SYNE2: variants seen among roughly 807,000 people sequenced by gnomAD.
SYNE2 encodes the protein spectrin repeat containing nuclear envelope protein 2, also known as nesprin-2.
A neutral mutation model predicts 856.3 loss-of-function variants in SYNE2; 431 were observed. That is an observed-to-expected ratio of 0.50 (90% CI 0.47 to 0.55). SYNE2 has a LOEUF of 0.55. SYNE2 is among the 20% of genes least tolerant of loss of function. SYNE2 has a pLI of 0.00. For missense variants in SYNE2, 8,129 were observed against 8,023.2 expected (o/e 1.01, Z -0.50); for synonymous variants, 2,923 against 2,872.3 (o/e 1.02, Z -0.56).
chr14:64,176,948 C>A (rs1340640389), intron 95 of SYNE2, among the ~76,000 whole-genome samples: 2 of 152,116 alleles, frequency 1.3e-5, no homozygotes, highest in African/African-American at 4.8e-5. Context: ...CAGGCACATA[C>A]CACCACACCC....
intron 1 of SYNE2, among the ~76,000 whole-genome samples, chr14:63,816,402 C>T (rs77199021): frequency 7.9e-4 from 121 of 152,258 alleles, no homozygotes; most frequent in Non-Finnish European, 1.5e-3. Flanking sequence ...AGCTTTTGGA[C>T]TGTGAAATTT....
intron 51 of SYNE2, 88 bp from the exon 52 acceptor site, chr14:64,070,557 G>C: frequency 8.8e-7 from 1 of 1,131,990 alleles, no homozygotes; most frequent in Non-Finnish European, 1.3e-6. Flanking sequence ...CCTTTGAAGA[G>C]AGAGCATACA....
intron 51 of SYNE2, 40 bp downstream of exon 51, chr14:64,065,690 A>T (rs1370605492): frequency 6.2e-7 from 1 of 1,604,216 alleles, no homozygotes; most frequent in Admixed American, 1.7e-5. Flanking sequence ...AGTTTCTAAC[A>T]TGTTATTTAA....
chr14:64,067,467 T>C (rs565449722), intron 51 of SYNE2, among the ~76,000 whole-genome samples: 28 of 152,336 alleles, frequency 1.8e-4, no homozygotes, highest in African/African-American at 6.7e-4. Flanking sequence ...CAAATTGATA[T>C]AAGATTTTAG....
intron 70 of SYNE2, 110 bp from the exon 71 acceptor site, chr14:64,124,969 C>A: frequency 7.1e-7 from 1 of 1,414,420 alleles, no homozygotes; most frequent in Non-Finnish European, 9.7e-7. Context: ...TGCCACTGCA[C>A]TCCAGCCTGG....
chr14:63,998,566 A>T (rs564662849), intron 26 of SYNE2, among the ~76,000 whole-genome samples: 258 of 151,474 alleles, frequency 1.7e-3, no homozygotes, highest in Middle Eastern at 3.4e-3. Context: ...GTGTTATTTT[A>T]TTTTTAATAT....
intron 84 of SYNE2, among the ~76,000 whole-genome samples, chr14:64,147,189 C>G (rs2098195116): frequency 6.6e-6 from 1 of 152,106 alleles, no homozygotes. Context: ...ATTAGGTGCT[C>G]TTGACTTACT....
At chr14:64,214,899 C>A (rs1281107120) in intron 106 of SYNE2, among the ~76,000 whole-genome samples, 1 of 152,164 alleles carries the variant, frequency 6.6e-6, no homozygotes, top group Admixed American at 6.5e-5. Context: ...GCCACCACAC[C>A]CAGCTAGTTT....
rs751315441 is a variant in SYNE2, at chr14:64,208,718, CCAA to C, written c.18202-37_18202-35del. ...TTTGATGCTGACCCTCCTGCTGCCACCAACATCTCAAGAGGTTTCTTACTCTGT... is the reference window on the plus strand; with the variant it reads ...TTTGATGCTGACCCTCCTGCTGCCACCATCTCAAGAGGTTTCTTACTCTGT... On this transcript the variant is annotated intron_variant, in intron 100 of 115. Transcript: ENST00000555002. The C allele has an allele frequency of 1.9e-6, 3 of 1,611,318 alleles. No individual in the cohort carries two copies. In the East Asian group the frequency reaches 6.7e-5, roughly 36 times the overall value.
chr14:63,985,329 C>CAAAA (rs11399582), intron 18 of SYNE2, among the ~76,000 whole-genome samples: 1 of 82,402 alleles, frequency 1.2e-5, no homozygotes, highest in African/African-American at 4.3e-5. Context: ...GGCTCCATCT[C>CAAAA]AAAAAAAAAA....
intron 2 of SYNE2, among the ~76,000 whole-genome samples, chr14:63,928,336 G>T (rs1198295252): frequency 6.6e-6 from 1 of 152,148 alleles, no homozygotes; most frequent in East Asian, 1.9e-4. Flanking sequence ...CTTCAGAGGG[G>T]GACATGTGTG....
intron 2 of SYNE2, among the ~76,000 whole-genome samples, chr14:63,932,083 AGGGGATTTTG>A: frequency 6.6e-6 from 1 of 152,236 alleles, no homozygotes; most frequent in African/African-American, 2.4e-5. Context: ...ATTTTAAGAA[AGGGGATTTTG>A]GGGCCAGTTG....
intron 111 of SYNE2, among the ~76,000 whole-genome samples, chr14:64,221,307 A>G (rs1047773566): frequency 4.6e-5 from 7 of 152,138 alleles, no homozygotes; most frequent in African/African-American, 1.7e-4. Flanking sequence ...TGTGGCCTTC[A>G]TATATAAAAT....
chr14:64,134,149 T>A lies in SYNE2; in HGVS notation c.14595T>A (p.Ser4865Arg), dbSNP rs2098058061. The A allele has an allele frequency of 1.2e-6, 2 of 1,614,036 alleles. No homozygotes were observed. The highest frequency in any genetic ancestry group is 1.3e-5 in the African/African-American group (1 of 75,032). Residue 4865 changes from serine (S) to arginine (R), a missense_variant, in exon 78 of 116, where the codon AGT (serine) becomes AGA (arginine). Ser to Arg is a moderately radical substitution (Grantham distance 110). Around this residue, in one of 3 missense-constraint regions of SYNE2, gnomAD observed 5,410 missense variants for 5,284.8 expected, o/e 1.02. Transcript: ENST00000555002. ...TTATATCTACATTGCCCTCTGTGAGTTTGGTGGAAGAAACAGAGGAAAGAT... is the reference window on the plus strand; with the variant it reads ...TTATATCTACATTGCCCTCTGTGAGATTGGTGGAAGAAACAGAGGAAAGAT... ...EILISTLPSV[S>R]LVEETEERLV...
intron 77 of SYNE2, among the ~76,000 whole-genome samples, chr14:64,132,836 A>T (rs1018923132): frequency 6.6e-6 from 1 of 152,216 alleles, no homozygotes; most frequent in African/African-American, 2.4e-5. Context: ...ATAAGCATGC[A>T]TAAAGCTCCT....
chr14:64,096,808 C>G (rs1482071189), intron 61 of SYNE2, among the ~76,000 whole-genome samples: 5 of 152,176 alleles, frequency 3.3e-5, no homozygotes, highest in Non-Finnish European at 5.9e-5. Flanking sequence ...GATTACGTTT[C>G]TCTGTTTTGT....
At chr14:64,144,111 A>G (rs2098162679) in intron 83 of SYNE2, among the ~76,000 whole-genome samples, 163 bp downstream of exon 83, 2 of 152,216 alleles carry the variant, frequency 1.3e-5, no homozygotes, top group Non-Finnish European at 2.9e-5. Flanking sequence ...CTCCATTGGT[A>G]CCTATAAGAG....
At position 64,109,033 on chromosome 14, in the gene SYNE2, G is replaced by T. The variant is rs561292254; in HGVS notation, c.12609+1426G>T. ...TAGGACCACAGGCACACACCATCAC[G>T]CCTGGCTAATTTTTGTATTTTTTCA... is the stretch of plus-strand genomic sequence containing the variant. On this transcript the variant is annotated intron_variant, in intron 65 of 115. Coordinates refer to ENST00000555002, the MANE Select transcript of SYNE2 (RefSeq NM_182914.3). 1.6e-4 allele frequency among the ~76,000 whole-genome samples: 24 copies of T among 151,932 alleles called. 1 individual carries two copies. The South Asian group carries it at 4.6e-3, about 29-fold the overall frequency.
chr14:64,028,328 T>C (rs2096998833), intron 43 of SYNE2, among the ~76,000 whole-genome samples: 1 of 151,934 alleles, frequency 6.6e-6, no homozygotes, highest in African/African-American at 2.4e-5. Context: ...CAATCATAGT[T>C]CACTGCAGCC....
Sources: allele counts gnomAD v4.1 joint callset (sites outside exome capture counted in the v4.1 genomes callset), GRCh38; gene constraint gnomAD v4.1.1; regional missense constraint gnomAD v4.1.1; transcripts MANE v1.5; gene names NCBI Gene and HGNC (gene_info 2026-07-23, HGNC 2026-07-21).